ONECUT1: variants seen among roughly 807,000 people sequenced by gnomAD.
ONECUT1 encodes the protein one cut homeobox 1.
Under a neutral mutation model 25.6 loss-of-function variants are expected in ONECUT1, and 12 were observed. The observed-to-expected ratio is 0.47, with a 90% confidence interval of 0.30 to 0.76. The LOEUF is 0.76. Among genes scored for constraint, ONECUT1 ranks in the 30% least tolerant of loss-of-function variants. The probability of loss-of-function intolerance (pLI) is 0.07; values close to 1 mark genes in which losing one functional copy is unlikely to be tolerated. For synonymous variants in ONECUT1, 285 were observed against 270.2 expected, an observed-to-expected ratio of 1.05 and a Z score of -0.54; for missense variants, 620 against 651.2, an observed-to-expected ratio of 0.95 and a Z score of 0.52.
intron 1 of ONECUT1, among the ~76,000 whole-genome samples, chr15:52,777,737 C>CACACACACACACAAAAAAA (rs57187579): frequency 2.6e-4 from 27 of 103,448 alleles, no homozygotes; most frequent in African/African-American, 1.2e-3. Context: ...CACACACACA[C>CACACACACACACAAAAAAA]AAAAAAACAT....
chr15:52,787,835 C>T (rs2083887109), intron 1 of ONECUT1: 1 of 152,168 alleles, frequency 6.6e-6, no homozygotes. Context: ...TCTGCCTATC[C>T]GCGGTCTCGG....
chr15:52,767,394 C>T (rs2141450494), intron 1 of ONECUT1, among the ~76,000 whole-genome samples: 1 of 152,300 alleles, frequency 6.6e-6, no homozygotes, highest in African/African-American at 2.4e-5. Flanking sequence ...AGAGGCTAAA[C>T]CTGAACTAGA....
intron 1 of ONECUT1, among the ~76,000 whole-genome samples, chr15:52,759,390 C>A (rs1435769701): frequency 6.6e-6 from 1 of 152,196 alleles, no homozygotes; most frequent in East Asian, 1.9e-4. Flanking sequence ...TACAAATTAG[C>A]TCAGCAACAG....
intron 1 of ONECUT1, among the ~76,000 whole-genome samples, chr15:52,779,637 C>G (rs918339361): frequency 6.6e-6 from 1 of 152,152 alleles, no homozygotes; most frequent in Non-Finnish European, 1.5e-5. Flanking sequence ...TACTAGGTGC[C>G]TCCTTAAAAA....
In ONECUT1 at chr15:52,789,131, G is replaced by A. The variant is rs201599995; in HGVS notation, c.754C>T (p.Pro252Ser). 1.2e-5 allele frequency: 20 copies of A among 1,600,532 alleles called. No homozygotes were observed. Among genetic ancestry groups the A allele is most frequent in the Admixed American group, 1.7e-5 (1 of 59,982 alleles). ...VPINGLPPHH[P>S]HAHLNAQGHG... is the part of the protein sequence containing the mutation. ...CCCTGGGCGTTCAGGTGGGCGTGGG[G>A]ATGGTGCGGAGGAAGGCCGTTGATG... The change falls in exon 1 of 2, where the codon CCC becomes TCC. Residue 252 changes from proline (P) to serine (S), a missense_variant. Pro to Ser is a moderately conservative substitution (Grantham distance 74). Transcript: ENST00000305901. The surrounding 1 kb of genome is among the most constrained non-coding windows in gnomAD (Gnocchi z 4.1).
In ONECUT1 at chr15:52,780,871, C is replaced by T. The variant is rs1414006494; in HGVS notation, c.1105+7909G>A. On this transcript the variant is annotated intron_variant, in intron 1 of 1. Coordinates refer to ENST00000305901, the MANE Select transcript of ONECUT1 (RefSeq NM_004498.4). ...CGAAAGCAGTGATTTCAGAAACCGT[C>T]GATTCTGAATATCCCGTGGCGGCAT... 8.2e-6 allele frequency: 11 copies of T among 1,338,234 alleles called. No individual in the cohort carries two copies. In the South Asian group the frequency reaches 1.2e-4, roughly 15 times the overall value. 82.9% of individuals were successfully genotyped at this position (1,338,234 alleles called of 1,614,324 possible).
intron 1 of ONECUT1, among the ~76,000 whole-genome samples, chr15:52,758,829 G>A (rs866726701): frequency 1.3e-5 from 2 of 152,032 alleles, no homozygotes; most frequent in African/African-American, 2.4e-5. Context: ...ACCCTAATGA[G>A]GCTCACTAGT....
rs900492476 is a variant in ONECUT1 at position 52,788,654 on chromosome 15, C to T, written c.1105+126G>A. 40 of 1,046,386 alleles carry T rather than the reference C, an allele frequency of 3.8e-5. No homozygotes were observed. Among genetic ancestry groups the T allele is most frequent in the Non-Finnish European group, 5.2e-5 (38 of 732,918 alleles). 64.8% of individuals were successfully genotyped at this position (1,046,386 alleles called of 1,614,324 possible). ...CTGGCCCTTCCAGGCACAGGGAGTC[C>T]CCCTTCTAGGGGTAGGGGCGGGCGG... On this transcript the variant is annotated intron_variant, in intron 1 of 1. Transcript: ENST00000305901. This position sits in a 1 kb window ranked among gnomAD's most constrained non-coding sequence, Gnocchi z 4.3.
Position 52,756,522 on chromosome 15 carries a change from G to T in ONECUT1, c.*1033C>A, listed in dbSNP as rs2083674837. Among the ~76,000 whole-genome samples, 1 of 152,160 alleles carries T rather than the reference G, an allele frequency of 6.6e-6. No individual in the cohort carries two copies. Among genetic ancestry groups the T allele is most frequent in the Admixed American group, 6.5e-5 (1 of 15,280 alleles). On this transcript the variant is annotated 3_prime_UTR_variant, in exon 2 of 2. Transcript: ENST00000305901. ...TTGGAAAGATCCTCAGGTTTTCTCA[G>T]CTAGGAACAGATTATGGAACCATGT...
chr15:52,777,729 C>CAT (rs1309303644), intron 1 of ONECUT1, among the ~76,000 whole-genome samples: 1 of 87,362 alleles, frequency 1.1e-5, no homozygotes, highest in African/African-American at 8.3e-5. Context: ...CACACACACA[C>CAT]ACACACACAA....
intron 1 of ONECUT1, among the ~76,000 whole-genome samples, chr15:52,770,446 T>G (rs942070750): frequency 2.0e-5 from 3 of 152,198 alleles, no homozygotes; most frequent in Non-Finnish European, 4.4e-5. Flanking sequence ...CAGGGTAGAC[T>G]CTGAGATTCT....
intron 1 of ONECUT1, among the ~76,000 whole-genome samples, chr15:52,761,908 T>C (rs997284179): frequency 7.9e-5 from 12 of 152,152 alleles, no homozygotes; most frequent in Admixed American, 2.6e-4. Flanking sequence ...ACAAATTGCA[T>C]TGGATGTGTT....
At chr15:52,772,006 C>A (rs1193599181) in intron 1 of ONECUT1, among the ~76,000 whole-genome samples, 1 of 152,156 alleles carries the variant, frequency 6.6e-6, no homozygotes, top group Non-Finnish European at 1.5e-5. Context: ...TTCTGTGGGA[C>A]TGGGCCCAGG....
chr15:52,772,349 G>A lies in ONECUT1; in HGVS notation c.1106-14502C>T, dbSNP rs190846194. The stretch of plus-strand genomic sequence containing the variant: ...GCAGAGGTTGCAGTGAGCCAAGATC[G>A]TGCCACTGCACTCCAGCCTGGGCGA... On this transcript the variant is annotated intron_variant, in intron 1 of 1. Transcript: ENST00000305901. Among the ~76,000 whole-genome samples, 1,164 of 149,778 alleles carry A rather than the reference G, an allele frequency of 7.8e-3. 14 individuals are homozygous for A. Among genetic ancestry groups the A allele is most frequent in the African/African-American group, 0.028 (1,128 of 40,590 alleles).
chr15:52,767,328 C>T (rs1307586914), intron 1 of ONECUT1, among the ~76,000 whole-genome samples: 1 of 152,192 alleles, frequency 6.6e-6, no homozygotes, highest in East Asian at 1.9e-4. Flanking sequence ...TAGACTATCT[C>T]AGTTCTTCTC....
chr15:52,788,933 T>C lies in ONECUT1; in HGVS notation c.952A>G (p.Arg318Gly), dbSNP rs755292945. The change falls in exon 1 of 2, where the codon AGG becomes GGG. Residue 318 changes from arginine to glycine, a missense_variant. Arg to Gly is a moderately radical substitution (Grantham distance 125, BLOSUM62 -2). Coordinates refer to ENST00000305901, the MANE Select transcript of ONECUT1 (RefSeq NM_004498.4). The surrounding 1 kb of genome is among the most constrained non-coding windows in gnomAD (Gnocchi z 4.3). Reference protein sequence around the residue: ...YSIPQAIFAQRVLCRSQGTLS... With the variant: ...YSIPQAIFAQGVLCRSQGTLS... The stretch of plus-strand genomic sequence containing the variant: ...GTCCCCTGGGAGCGGCAGAGCACCC[T>C]CTGCGCGAAGATGGCCTGTGGGATG... 1 of 1,614,002 alleles carries C rather than the reference T, an allele frequency of 6.2e-7. No individual in the cohort carries two copies. Among genetic ancestry groups the C allele is most frequent in the Non-Finnish European group, 8.5e-7 (1 of 1,180,028 alleles).
At chr15:52,780,359 G>T (rs538921205) in intron 1 of ONECUT1, among the ~76,000 whole-genome samples, 2 of 152,240 alleles carry the variant, frequency 1.3e-5, no homozygotes, top group Admixed American at 6.5e-5. Context: ...TTAATGAGCT[G>T]GTAGTGCCAT....
At chr15:52,786,218 T>C (rs1195777711) in intron 1 of ONECUT1, among the ~76,000 whole-genome samples, 2 of 152,212 alleles carry the variant, frequency 1.3e-5, no homozygotes, top group Non-Finnish European at 2.9e-5. Flanking sequence ...ACCCCACTCT[T>C]TTTAAAATAT....
intron 1 of ONECUT1, among the ~76,000 whole-genome samples, chr15:52,782,113 G>GC (rs2083845033): frequency 6.6e-6 from 1 of 152,150 alleles, no homozygotes; most frequent in Admixed American, 6.5e-5. Flanking sequence ...GTAAACATGT[G>GC]CCGTGGTGGT....
Sources: gnomAD v4.1 joint callset for allele counts (sites outside exome capture counted in the v4.1 genomes callset) on GRCh38, gnomAD v4.1.1 for gene constraint, Gnocchi (gnomAD v3.1) non-coding constraint, MANE v1.5 for transcripts, NCBI Gene and HGNC (gene_info 2026-07-23, HGNC 2026-07-21) for gene names.